Variants in TTC27 observed in about 807,000 individuals in gnomAD.
TTC27 encodes the protein tetratricopeptide repeat domain 27, also known as tetratricopeptide repeat protein 27.
A neutral mutation model predicts 115.9 loss-of-function variants in TTC27; 79 were observed. That is an observed-to-expected ratio of 0.68 (90% CI 0.57 to 0.82). The LOEUF (loss-of-function observed/expected upper bound fraction) is 0.82, where lower values mean the gene tolerates loss of function less well. Among genes scored for constraint, TTC27 ranks in the 40% least tolerant of loss-of-function variants. TTC27 has a pLI of 0.00. For missense variants in TTC27, 1,054 were observed against 993.1 expected (o/e 1.06, Z -0.82); for synonymous variants, 401 against 356.0 (o/e 1.13, Z -1.42).
intron 15 of TTC27, 40 bp downstream of exon 15, chr2:32,782,718 A>G (rs1312446518): frequency 4.7e-6 from 7 of 1,495,296 alleles, no homozygotes; most frequent in East Asian, 4.5e-5. Context: ...TTGCTTCCCA[A>G]ATAAATGAAT....
At chr2:32,778,058 C>G (rs1670058026) in intron 14 of TTC27, 78 bp downstream of exon 14, 1 of 1,360,944 alleles carries the variant, frequency 7.3e-7, no homozygotes, top group South Asian at 1.3e-5. Context: ...TGGTTCAGAA[C>G]AGCAATTCCT....
chr2:32,754,074 A>C (rs1254677323), intron 12 of TTC27, among the ~76,000 whole-genome samples: 2 of 151,014 alleles, frequency 1.3e-5, no homozygotes, highest in African/African-American at 4.9e-5. Flanking sequence ...ACTCCATCTC[A>C]AAAATAAAAA....
At chr2:32,634,079 G>A in intron 3 of TTC27, 74 bp downstream of exon 3, 5 of 1,474,708 alleles carry the variant, frequency 3.4e-6, no homozygotes, top group Non-Finnish European at 4.6e-6. Context: ...TTTATAAACT[G>A]GAACTCATAG....
chr2:32,801,576 A>C (rs1670940603), intron 16 of TTC27, among the ~76,000 whole-genome samples: 1 of 152,226 alleles, frequency 6.6e-6, no homozygotes, highest in Non-Finnish European at 1.5e-5. Flanking sequence ...TTCTGGGTGC[A>C]CGTGAATTTT....
chr2:32,686,275 G>A (rs544015759), intron 9 of TTC27, among the ~76,000 whole-genome samples: 3 of 152,188 alleles, frequency 2.0e-5, no homozygotes, highest in African/African-American at 2.4e-5. Context: ...AATTAAATCC[G>A]TAGCAATCAG....
chr2:32,755,367 G>A (rs983567073), intron 12 of TTC27, among the ~76,000 whole-genome samples: 1 of 152,218 alleles, frequency 6.6e-6, no homozygotes, highest in Non-Finnish European at 1.5e-5. Context: ...GATCACTCGC[G>A]GTTAGGAGCT....
chr2:32,650,326 G>T, intron 5 of TTC27, 93 bp downstream of exon 5: 6 of 589,586 alleles, frequency 1.0e-5, no homozygotes, highest in South Asian at 3.1e-5. Flanking sequence ...TTGTCCGGTA[G>T]TAGTGCCTTT....
chr2:32,776,636 T>C (rs765769700), intron 13 of TTC27, among the ~76,000 whole-genome samples: 2 of 152,142 alleles, frequency 1.3e-5, no homozygotes, highest in African/African-American at 2.4e-5. Flanking sequence ...TGAGATGGAG[T>C]CTCACTGTGT....
chr2:32,702,955 C>T, intron 10 of TTC27, 35 bp downstream of exon 10: 1 of 1,438,240 alleles, frequency 7.0e-7, no homozygotes. Flanking sequence ...GTGCTTCTTC[C>T]AACTCTCTAT....
At chr2:32,812,702 A>T in intron 18 of TTC27, 87 bp downstream of exon 18, 1 of 965,696 alleles carries the variant, frequency 1.0e-6, no homozygotes, top group Non-Finnish European at 1.6e-6. Context: ...GTAAAGTTCC[A>T]TTATAAATAG....
rs768577881 is a variant in TTC27, at chr2:32,678,929, A to C, written c.1119+7A>C. On this transcript the variant is annotated splice_region_variant and intron_variant, in intron 9 of 19. Transcript: ENST00000317907. The stretch of plus-strand genomic sequence containing the variant: ...GCTTCTGGCATTTACATCAGTGAGT[A>C]ATGTCTTTTTCTCTTCCATTTCATT... The C allele has an allele frequency of 1.2e-6, 2 of 1,611,428 alleles. No homozygotes were observed. Among genetic ancestry groups the C allele is most frequent in the South Asian group, 2.2e-5 (2 of 90,938 alleles).
intron 13 of TTC27, among the ~76,000 whole-genome samples, chr2:32,774,247 T>C (rs1177355591): frequency 1.3e-5 from 2 of 151,378 alleles, no homozygotes; most frequent in African/African-American, 2.4e-5. Flanking sequence ...AGTGGCGTGA[T>C]TGTGGCTCAC....
intron 13 of TTC27, among the ~76,000 whole-genome samples, chr2:32,765,550 G>T (rs1669598716): frequency 6.6e-6 from 1 of 152,152 alleles, no homozygotes; most frequent in African/African-American, 2.4e-5. Context: ...TCAGCCTAAA[G>T]TCACCAGGTG....
rs138335351 is a variant in TTC27 at position 32,758,333 on chromosome 2, G to A, written c.1494G>A (p.Thr498=). 1.5e-5 allele frequency: 24 copies of A among 1,614,002 alleles called. No homozygotes were observed. Among genetic ancestry groups the A allele is most frequent in the South Asian group, 3.3e-5 (3 of 91,076 alleles). Residue 498 remains threonine, a synonymous_variant, in exon 13 of 20, where the codon ACG becomes ACA. Coordinates refer to ENST00000317907, the MANE Select transcript of TTC27 (RefSeq NM_017735.5). ...ILRQELEKKE[T]PSLYCLLGDV... Reference sequence around the variant, plus strand: ...GACAAGAGCTGGAGAAAAAAGAAACGCCTAGTTTATACTGCTTGCTTGGAG... The same window carrying A: ...GACAAGAGCTGGAGAAAAAAGAAACACCTAGTTTATACTGCTTGCTTGGAG...
At chr2:32,662,981 G>A (rs1009045708) in intron 5 of TTC27, among the ~76,000 whole-genome samples, 7 of 152,076 alleles carry the variant, frequency 4.6e-5, no homozygotes, top group Non-Finnish European at 7.4e-5. Flanking sequence ...ACACTGTGTG[G>A]GGAAAACCAC....
At chr2:32,719,537 G>T (rs1667857666) in intron 10 of TTC27, among the ~76,000 whole-genome samples, 1 of 152,192 alleles carries the variant, frequency 6.6e-6, no homozygotes, top group Non-Finnish European at 1.5e-5. Flanking sequence ...TCATAAAGAA[G>T]AACATTGGGC....
chr2:32,744,979 TG>T (rs1013150998), intron 12 of TTC27, among the ~76,000 whole-genome samples: 1 of 128,590 alleles, frequency 7.8e-6, no homozygotes, highest in African/African-American at 3.0e-5. Flanking sequence ...GCCCGGGAGG[TG>T]GAGTTTGCAG....
intron 9 of TTC27, among the ~76,000 whole-genome samples, chr2:32,682,844 G>GTTTTTTT (rs142030247): frequency 0.016 from 917 of 56,902 alleles, 200 homozygotes; most frequent in Middle Eastern, 0.06. Flanking sequence ...AATTTTTATT[G>GTTTTTTT]TTGTTTTTTT....
intron 10 of TTC27, among the ~76,000 whole-genome samples, chr2:32,705,317 T>A (rs888705049): frequency 6.6e-6 from 1 of 152,152 alleles, no homozygotes; most frequent in African/African-American, 2.4e-5. Flanking sequence ...TGCAGAACCA[T>A]GAGCCAAATA....
Sources: gnomAD v4.1 joint callset for allele counts (sites outside exome capture counted in the v4.1 genomes callset) on GRCh38, gnomAD v4.1.1 for gene constraint, MANE v1.5 for transcripts, NCBI Gene and HGNC (gene_info 2026-07-23, HGNC 2026-07-21) for gene names.